The following ZBTB20 variants were observed in gnomAD, a reference collection of about 807,000 sequenced individuals.
ZBTB20 encodes zinc finger and BTB domain-containing protein 20.
ZBTB20 carries 9 observed loss-of-function variants against 56.9 expected under a neutral mutation model. The observed-to-expected ratio is 0.16, with a 90% CI of 0.10 to 0.28. The LOEUF (loss-of-function observed/expected upper bound fraction) is 0.28. Ranked by LOEUF, ZBTB20 falls within the 10% of genes least tolerant of loss-of-function variation. The pLI is 1.00. For synonymous variants in ZBTB20, 417 were observed against 420.7 expected (o/e 0.99, Z 0.11); for missense variants, 655 against 1,003.0 (o/e 0.65, Z 4.69).
chr3:114,648,753 T>C (rs2059978712), intron 6 of ZBTB20, among the ~76,000 whole-genome samples: 2 of 152,154 alleles, frequency 1.3e-5, no homozygotes, highest in African/African-American at 2.4e-5. Context: ...GTTCAAAGTA[T>C]AGCAGAGGAA....
At chr3:114,841,698 T>C (rs2074392226) in intron 4 of ZBTB20, among the ~76,000 whole-genome samples, 1 of 152,120 alleles carries the variant, frequency 6.6e-6, no homozygotes, top group African/African-American at 2.4e-5. Context: ...GGTGAGAGCA[T>C]GTTTGGGGCA....
intron 6 of ZBTB20, among the ~76,000 whole-genome samples, chr3:114,652,301 A>G (rs2060180264): frequency 6.6e-6 from 1 of 151,964 alleles, no homozygotes; most frequent in Admixed American, 6.6e-5. Flanking sequence ...TCTTCTGCAT[A>G]CCATGTTTCT....
chr3:114,379,197 CT>C (rs967560195), intron 10 of ZBTB20: 1 of 152,120 alleles, frequency 6.6e-6, no homozygotes, highest in African/African-American at 2.4e-5. Context: ...TAATTTTTGT[CT>C]TTGTGGACAA....
At chr3:114,624,714 G>C (rs752677677) in intron 6 of ZBTB20, among the ~76,000 whole-genome samples, 1 of 152,252 alleles carries the variant, frequency 6.6e-6, no homozygotes, top group Non-Finnish European at 1.5e-5. Flanking sequence ...TTCAGGGAAG[G>C]GGGGAAGGGT....
At chr3:114,817,951 A>G (rs1437554793) in intron 4 of ZBTB20, among the ~76,000 whole-genome samples, 2 of 152,206 alleles carry the variant, frequency 1.3e-5, no homozygotes, top group African/African-American at 4.8e-5. Flanking sequence ...AAATAAATCT[A>G]TGTAAATACA....
chr3:114,434,116 G>T (rs1010298239), intron 7 of ZBTB20, among the ~76,000 whole-genome samples: 12 of 152,068 alleles, frequency 7.9e-5, no homozygotes, highest in Admixed American at 3.3e-4. Context: ...GCTAGAAGTT[G>T]GCATTATAAG....
At chr3:114,901,837 C>G (rs750737553) in intron 3 of ZBTB20, among the ~76,000 whole-genome samples, 8 of 151,778 alleles carry the variant, frequency 5.3e-5, no homozygotes, top group Non-Finnish European at 1.2e-4. Flanking sequence ...AAACAAAGAA[C>G]AAAACAAAGA....
intron 5 of ZBTB20, among the ~76,000 whole-genome samples, chr3:114,786,492 T>C (rs1206012307): frequency 2.0e-5 from 3 of 152,068 alleles, no homozygotes; most frequent in African/African-American, 7.2e-5. Flanking sequence ...AAAAAAGGAA[T>C]TTCAGAAAAA....
chr3:114,801,463 A>G (rs1450765822), intron 4 of ZBTB20, among the ~76,000 whole-genome samples: 1 of 151,564 alleles, frequency 6.6e-6, no homozygotes, highest in Admixed American at 6.6e-5. Context: ...TAATGATATG[A>G]CTAGAAACTC....
chr3:115,118,831 A>G (rs1468347583), intron 1 of ZBTB20, among the ~76,000 whole-genome samples: 1 of 151,198 alleles, frequency 6.6e-6, no homozygotes, highest in Admixed American at 6.6e-5. Context: ...CGCCAAGTAC[A>G]AATGTTTTTG....
chr3:115,088,940 CAAATAT>C (rs143007706), intron 1 of ZBTB20, among the ~76,000 whole-genome samples: 5,193 of 151,890 alleles, frequency 0.034, 188 homozygotes, highest in Admixed American at 0.12. Flanking sequence ...TTTTAACTCT[CAAATAT>C]AAATATAAAC....
At chr3:114,972,995 G>A (rs895870010) in intron 3 of ZBTB20, among the ~76,000 whole-genome samples, 13 of 152,062 alleles carry the variant, frequency 8.5e-5, no homozygotes, top group Admixed American at 3.3e-4. Flanking sequence ...GCAAGGCAGG[G>A]ATAAAAATTA....
At position 114,855,719 on chromosome 3, in the gene ZBTB20, G is replaced by A. The variant is rs147845350; in HGVS notation, c.-417+44585C>T. On this transcript the variant is annotated intron_variant, in intron 4 of 11. Coordinates refer to ENST00000675478, the MANE Select transcript of ZBTB20 (RefSeq NM_001348800.3). ...AGGCTTCCTCCAGAACCCTGTAGGA[G>A]AGGAAGATACACTGCTGAGTCTTCA... Among the ~76,000 whole-genome samples, 808 of 152,278 alleles carry A rather than the reference G, an allele frequency of 5.3e-3. 7 individuals are homozygous for A. The highest frequency in any genetic ancestry group is 0.03 in the South Asian group (144 of 4,820).
chr3:114,936,365 T>C (rs2076535258), intron 3 of ZBTB20, among the ~76,000 whole-genome samples: 1 of 152,180 alleles, frequency 6.6e-6, no homozygotes. Flanking sequence ...AGATGTGGAT[T>C]CTGCCACTAC....
chr3:114,457,132 G>A (rs994699083), intron 7 of ZBTB20, among the ~76,000 whole-genome samples: 2 of 152,230 alleles, frequency 1.3e-5, no homozygotes, highest in Admixed American at 6.5e-5. Context: ...GAGCCCAGAA[G>A]AAAGCAGTGG....
rs2078832549 is a variant in ZBTB20 at position 114,319,878 on chromosome 3, C to T, written c.*19127G>A. 1 of 151,746 alleles carries T rather than the reference C, an allele frequency of 6.6e-6. No individual in the cohort carries two copies. The highest frequency in any genetic ancestry group is 2.1e-4 in the South Asian group (1 of 4,802). The allele number at this position is 151,746 out of a possible 1,614,324, so 9.4% of individuals were successfully genotyped here. On this transcript the variant is annotated 3_prime_UTR_variant, in exon 12 of 12. Transcript: ENST00000675478. ...CACACACACAAATTTGTTACATAGC[C>T]AATTTGTTTTTAAATATTTTTTCTC...
chr3:115,024,373 G>T (rs1393169055), intron 2 of ZBTB20, among the ~76,000 whole-genome samples: 1 of 150,906 alleles, frequency 6.6e-6, no homozygotes, highest in Non-Finnish European at 1.5e-5. Context: ...AATTGATAAG[G>T]CCCATAATGG....
At chr3:115,121,721 C>T (rs530972748) in intron 1 of ZBTB20, among the ~76,000 whole-genome samples, 12 of 151,930 alleles carry the variant, frequency 7.9e-5, no homozygotes, top group Non-Finnish European at 1.6e-4. Flanking sequence ...CTTCAAGGAA[C>T]ATAATGATTA....
chr3:114,812,119 A>C (rs2072568063), intron 4 of ZBTB20, among the ~76,000 whole-genome samples: 2 of 152,298 alleles, frequency 1.3e-5, no homozygotes, highest in African/African-American at 4.8e-5. Context: ...TTTATTGCAA[A>C]GAGTGAAAGA....
Sources: allele counts gnomAD v4.1 joint callset (sites outside exome capture counted in the v4.1 genomes callset), GRCh38; gene constraint gnomAD v4.1.1; transcripts MANE v1.5; gene names NCBI Gene and HGNC (gene_info 2026-07-23, HGNC 2026-07-21).